Variants in UTRN observed in about 807,000 individuals in gnomAD.
UTRN encodes dystrophin-related protein 1.
UTRN carries 283 observed loss-of-function variants against 463.9 expected under a neutral mutation model. The ratio of observed to expected loss-of-function variants is 0.61; its 90% CI spans 0.55 to 0.67. UTRN has a LOEUF of 0.67. Among genes scored for constraint, UTRN ranks in the 30% least tolerant of loss-of-function variants. UTRN has a pLI of 0.00. For synonymous variants in UTRN, 1,442 were observed against 1,431.5 expected, an observed-to-expected ratio of 1.01 and a Z score of -0.17; for missense variants, 3,922 against 4,084.3, an observed-to-expected ratio of 0.96 and a Z score of 1.08.
chr6:144,462,885 G>C lies in UTRN; in HGVS notation c.3066+19G>C, dbSNP rs369445601. On this transcript the variant is annotated intron_variant, in intron 23 of 74. Transcript: ENST00000367545. ...TTTTGAGGTAAATCCAGAGGCCACTGGGAGTTTAAGTTTATTACGGGGTAA... is the reference window on the plus strand; with the variant it reads ...TTTTGAGGTAAATCCAGAGGCCACTCGGAGTTTAAGTTTATTACGGGGTAA... 20 of 1,575,014 alleles carry C rather than the reference G, an allele frequency of 1.3e-5. No homozygotes were observed. The African/African-American group carries it at 2.5e-4, about 19-fold the overall frequency.
chr6:144,703,871 A>G (rs936851319), intron 53 of UTRN, among the ~76,000 whole-genome samples: 5 of 152,208 alleles, frequency 3.3e-5, no homozygotes, highest in African/African-American at 1.2e-4. Context: ...TGAAGAAAGA[A>G]TGTAGGGTCA....
intron 41 of UTRN, among the ~76,000 whole-genome samples, chr6:144,524,514 G>A (rs531442555): frequency 6.6e-6 from 1 of 151,512 alleles, no homozygotes; most frequent in Admixed American, 6.6e-5. Flanking sequence ...AATTTTTAGT[G>A]CTACTAATTT....
chr6:144,778,296 G>T (rs1422933405), intron 60 of UTRN, among the ~76,000 whole-genome samples: 1 of 152,116 alleles, frequency 6.6e-6, no homozygotes, highest in Non-Finnish European at 1.5e-5. Flanking sequence ...GCAGGTAGAA[G>T]AAGGAAGGAT....
At chr6:144,776,353 T>C (rs1775321672) in intron 60 of UTRN, among the ~76,000 whole-genome samples, 1 of 152,212 alleles carries the variant, frequency 6.6e-6, no homozygotes. Flanking sequence ...TGTGCTCGAA[T>C]AATGTTTGGT....
At chr6:144,814,206 A>C (rs1778878326) in intron 65 of UTRN, among the ~76,000 whole-genome samples, 1 of 152,146 alleles carries the variant, frequency 6.6e-6, no homozygotes, top group South Asian at 2.1e-4. Flanking sequence ...AAATTAGTAC[A>C]TTCATAAAAG....
At chr6:144,378,559 T>TGA (rs1276987162) in intron 2 of UTRN, among the ~76,000 whole-genome samples, 1 of 152,030 alleles carries the variant, frequency 6.6e-6, no homozygotes, top group African/African-American at 2.4e-5. Context: ...GAGAACAGGG[T>TGA]GAAGGAGGCA....
At chr6:144,290,931 A>ATT (rs552232592) in intron 1 of UTRN, among the ~76,000 whole-genome samples, 178 of 140,216 alleles carry the variant, frequency 1.3e-3, no homozygotes, top group East Asian at 6.0e-3. Flanking sequence ...TGCCTGGCTA[A>ATT]TTTTTTTTTT....
chr6:144,659,984 G>C (rs975957568), intron 51 of UTRN: 9 of 294,596 alleles, frequency 3.1e-5, no homozygotes, highest in African/African-American at 2.0e-4. Context: ...AAATACAGAA[G>C]CAGGTCTATT....
rs560581181 is a variant in UTRN at position 144,347,837 on chromosome 6, G to GTTTTTTTTTTTTTTTTTTTTTT, written c.80-55274_80-55273insTTTTTTTTTTTTTTTTTTTTTT. Among the ~76,000 whole-genome samples, 29 of 128,898 alleles carry GTTTTTTTTTTTTTTTTTTTTTT rather than the reference G, an allele frequency of 2.2e-4. 3 individuals are homozygous for GTTTTTTTTTTTTTTTTTTTTTT. The highest frequency in any genetic ancestry group is 9.8e-4 in the African/African-American group (29 of 29,466). 84.6% of individuals were successfully genotyped at this position (128,898 alleles called of 152,430 possible). A position where few individuals can be genotyped will look rare whatever the true frequency, so the allele number is the denominator to read the frequency against. On this transcript the variant is annotated intron_variant, in intron 2 of 74. Transcript: ENST00000367545. ...TCTCCTGAACTGTGGCTTATTCTTT[G>GTTTTTTTTTTTTTTTTTTTTTT]TTTTTTTTTTTTGTTTTTTTTTTTG...
At chr6:144,704,800 A>G (rs934490813) in intron 53 of UTRN, among the ~76,000 whole-genome samples, 1 of 152,066 alleles carries the variant, frequency 6.6e-6, no homozygotes, top group Non-Finnish European at 1.5e-5. Context: ...CGCCCCTACT[A>G]AAAATACAAA....
At chr6:144,821,979 G>T (rs970775656) in intron 66 of UTRN, among the ~76,000 whole-genome samples, 1 of 152,026 alleles carries the variant, frequency 6.6e-6, no homozygotes, top group African/African-American at 2.4e-5. Flanking sequence ...TCAAAAGTGT[G>T]AAGTTTTCTA....
chr6:144,721,378 T>A (rs1562815862), intron 53 of UTRN, among the ~76,000 whole-genome samples: 1 of 152,120 alleles, frequency 6.6e-6, no homozygotes, highest in African/African-American at 2.4e-5. Context: ...CTGGCTAATT[T>A]TTGTTGTTGT....
rs536305406 is a variant in UTRN, at chr6:144,440,574, A to G, written c.1512+103A>G. On this transcript the variant is annotated intron_variant, in intron 13 of 74. Transcript: ENST00000367545. ...TGTCCTTTCTCATTCTTTATCCAGA[A>G]GGGTAGAAAAACCTACCTTTGATTG... 7.4e-4 allele frequency: 1,118 copies of G among 1,518,712 alleles called. 1 individual carries two copies. Among genetic ancestry groups the G allele is most frequent in the Non-Finnish European group, 8.9e-4 (988 of 1,112,742 alleles). 94.1% of individuals were successfully genotyped at this position (1,518,712 alleles called of 1,614,324 possible). A position where few individuals can be genotyped will look rare whatever the true frequency, so the allele number is the denominator to read the frequency against.
intron 51 of UTRN, among the ~76,000 whole-genome samples, chr6:144,612,767 AGTATAG>A (rs1805661563): frequency 6.6e-6 from 1 of 152,146 alleles, no homozygotes; most frequent in Admixed American, 6.5e-5. Context: ...AATGTAAATT[AGTATAG>A]CCATTATGTA....
rs1790990369 is a variant in UTRN, at chr6:144,748,397, G to C, written c.8091G>C (p.Gln2697His). Reference sequence around the variant, plus strand: ...CATTGGAGAAACTCAGAGACCTGCAGGGAGCTATGGATGACCTGGACGCTG... The same window carrying C: ...CATTGGAGAAACTCAGAGACCTGCACGGAGCTATGGATGACCTGGACGCTG... ...DKALEKLRDL[Q>H]GAMDDLDADM... Residue 2697 changes from glutamine (Q) to histidine (H), a missense_variant, in exon 55 of 75, where the codon CAG becomes CAC. Gln to His is a conservative substitution (Grantham distance 24). Coordinates refer to ENST00000367545, the MANE Select transcript of UTRN (RefSeq NM_007124.3). 12 of 1,613,864 alleles carry C rather than the reference G, an allele frequency of 7.4e-6. No homozygotes were observed. Among genetic ancestry groups the C allele is most frequent in the Non-Finnish European group, 1.0e-5 (12 of 1,179,908 alleles).
In UTRN at chr6:144,501,108, T is replaced by C. The variant is rs556295792; in HGVS notation, c.4764+1681T>C. ...GGGAGAAAGTTAAGATAGTAGACAC[T>C]GGAAAGACTATTCTCAGTTTAGAAA... On this transcript the variant is annotated intron_variant, in intron 34 of 74. Transcript: ENST00000367545. Among the ~76,000 whole-genome samples the C allele has an allele frequency of 1.1e-4, 16 of 152,188 alleles. No homozygotes were observed. The South Asian group carries it at 3.3e-3, about 32-fold the overall frequency.
chr6:144,544,142 G>A (rs770431712), intron 46 of UTRN, among the ~76,000 whole-genome samples: 1 of 152,164 alleles, frequency 6.6e-6, no homozygotes, highest in Non-Finnish European at 1.5e-5. Flanking sequence ...CTTCCATTAG[G>A]TGGATGGCTC....
chr6:144,626,186 C>G (rs1775924172), intron 51 of UTRN, among the ~76,000 whole-genome samples: 1 of 152,138 alleles, frequency 6.6e-6, no homozygotes, highest in African/African-American at 2.4e-5. Flanking sequence ...CATTTTTAAA[C>G]TAGTCTATTA....
intron 51 of UTRN, among the ~76,000 whole-genome samples, chr6:144,649,971 A>G (rs1778645622): frequency 6.6e-6 from 1 of 152,188 alleles, no homozygotes; most frequent in Admixed American, 6.5e-5. Flanking sequence ...CATGCTGCTA[A>G]TAAAGACAGA....
Sources: gnomAD v4.1 joint callset for allele counts (sites outside exome capture counted in the v4.1 genomes callset) on GRCh38, gnomAD v4.1.1 for gene constraint, MANE v1.5 for transcripts, NCBI Gene and HGNC (gene_info 2026-07-23, HGNC 2026-07-21) for gene names.